Variants in DDX4 observed in about 807,000 individuals in gnomAD.
The protein encoded by DDX4 is DEAD-box helicase 4.
A neutral mutation model predicts 100.0 loss-of-function variants in DDX4; 25 were observed. The ratio of observed to expected loss-of-function variants is 0.25; its 90% CI spans 0.18 to 0.35. DDX4 has a LOEUF of 0.35. Ranked by LOEUF, DDX4 falls within the 10% of genes least tolerant of loss-of-function variation. The pLI is 1.00. For synonymous variants in DDX4, 259 were observed against 275.7 expected (o/e 0.94, Z 0.60); for missense variants, 635 against 882.4 (o/e 0.72, Z 3.55).
In DDX4 at chr5:55,799,489, C is replaced by T. The variant is rs1186070270; in HGVS notation, c.1615+918C>T. On this transcript the variant is annotated intron_variant, in intron 18 of 21. Transcript: ENST00000505374. The stretch of plus-strand genomic sequence containing the variant: ...CTCCCAGGCTCAAGCAGTTCTTCCA[C>T]GTCAGTCCCCTGAGTAGCCGGGACT... Among the ~76,000 whole-genome samples the T allele has an allele frequency of 4.6e-5, 7 of 152,290 alleles. No individual in the cohort carries two copies. The East Asian group carries it at 9.6e-4, about 21-fold the overall frequency.
At chr5:55,755,211 G>A (rs1259231702) in intron 3 of DDX4, among the ~76,000 whole-genome samples, 3 of 152,264 alleles carry the variant, frequency 2.0e-5, no homozygotes, top group African/African-American at 7.2e-5. Flanking sequence ...TTGACGAGTA[G>A]TAGAAATAAC....
intron 5 of DDX4, 57 bp downstream of exon 5, chr5:55,763,309 G>T: frequency 2.8e-6 from 3 of 1,083,184 alleles, no homozygotes. Flanking sequence ...TTTAATAATT[G>T]AGTTTAAATA....
At chr5:55,813,837 G>A in intron 19 of DDX4, 65 bp downstream of exon 19, 1 of 1,439,754 alleles carries the variant, frequency 6.9e-7, no homozygotes, top group Non-Finnish European at 9.1e-7. Context: ...AGAAACATCA[G>A]TTTATATAAC....
At chr5:55,763,096 A>G (rs1740667143) in intron 4 of DDX4, 79 bp from the exon 5 acceptor site, 2 of 956,360 alleles carry the variant, frequency 2.1e-6, no homozygotes, top group South Asian at 1.5e-5. Flanking sequence ...TACGCCAGAA[A>G]TTCATTTAAT....
rs2111837507 is a variant in DDX4 at position 55,765,441 on chromosome 5, T to C, written c.334+1377T>C. 1.4e-5 allele frequency among the ~76,000 whole-genome samples: 2 copies of C among 143,194 alleles called. 1 individual carries two copies. The highest frequency in any genetic ancestry group is 4.4e-4 in the South Asian group (2 of 4,518). The allele number at this position is 143,194 out of a possible 152,430, so 93.9% of individuals were successfully genotyped here. ...ATATATATATATATATATATATGGA[T>C]TGAATTCATTCATTGTCTCAGTTGT... is the stretch of plus-strand genomic sequence containing the variant. On this transcript the variant is annotated intron_variant, in intron 6 of 21. Coordinates refer to ENST00000505374, the MANE Select transcript of DDX4 (RefSeq NM_024415.3).
At chr5:55,748,497 TAA>T (rs1275619752) in intron 3 of DDX4, among the ~76,000 whole-genome samples, 1 of 148,472 alleles carries the variant, frequency 6.7e-6, no homozygotes, top group African/African-American at 2.5e-5. Flanking sequence ...AACTAAAAGC[TAA>T]GTTTTTTTTT....
At position 55,767,920 on chromosome 5, in the gene DDX4, G is replaced by A. The variant is rs1263108586; in HGVS notation, c.374G>A (p.Arg125Lys). 1.2e-6 allele frequency: 2 copies of A among 1,614,016 alleles called. No individual in the cohort carries two copies. The highest frequency in any genetic ancestry group is 1.7e-6 in the Non-Finnish European group (2 of 1,179,942). ...TGCGAAGATAATCCAACACGGAACA[G>A]AGGGTTTTCCAAGAGAGGCGGTAAG... ...NDCEDNPTRN[R>K]GFSKRGGYRD... The change falls in exon 7 of 22, where the codon AGA becomes AAA. Residue 125 changes from arginine (R) to lysine (K), a missense_variant. Arg to Lys is a conservative substitution (Grantham distance 26, BLOSUM62 2). Around this residue, in one of 4 missense-constraint regions of DDX4, gnomAD observed 446 missense variants for 540.8 expected, o/e 0.82. Coordinates refer to ENST00000505374, the MANE Select transcript of DDX4 (RefSeq NM_024415.3).
At chr5:55,808,588 A>G (rs1743905350) in intron 18 of DDX4, among the ~76,000 whole-genome samples, 1 of 152,160 alleles carries the variant, frequency 6.6e-6, no homozygotes, top group Non-Finnish European at 1.5e-5. Context: ...TCCACTCCAG[A>G]CCTTGTTTGC....
chr5:55,783,176 C>T (rs1269172097), intron 10 of DDX4, among the ~76,000 whole-genome samples: 1 of 151,968 alleles, frequency 6.6e-6, no homozygotes, highest in Non-Finnish European at 1.5e-5. Flanking sequence ...GAAGCTTGCT[C>T]GATGTATTTG....
rs764411818 is a variant in DDX4 at position 55,763,183 on chromosome 5, G to A, written c.214G>A (p.Glu72Lys). Residue 72 changes from glutamate to lysine, a missense_variant, in exon 5 of 22, where the codon GAG becomes AAG. This residue lies in a region of DDX4 where 446 missense variants were observed against 540.8 expected (regional missense o/e 0.82). Coordinates refer to ENST00000505374, the MANE Select transcript of DDX4 (RefSeq NM_024415.3). ...TGTCCACCCTTTTTCAGATGCTGGT[G>A]AGTGTAATAAGCGAGATAATACATC... ...GRNFGNRDAG[E>K]CNKRDNTSTM... The A allele has an allele frequency of 9.9e-6, 16 of 1,609,760 alleles. No individual in the cohort carries two copies. Among genetic ancestry groups the A allele is most frequent in the Non-Finnish European group, 1.3e-5 (15 of 1,176,404 alleles).
chr5:55,816,569 T>G lies in DDX4; in HGVS notation c.*29T>G, dbSNP rs776593701. On this transcript the variant is annotated 3_prime_UTR_variant, in exon 22 of 22. Coordinates refer to ENST00000505374, the MANE Select transcript of DDX4 (RefSeq NM_024415.3). ...CAAAACATCCTTCAAGTCTGTGGTT[T>G]TGATGCAGAGAAGAAAATAGTTTTG... 1.9e-6 allele frequency: 3 copies of G among 1,603,564 alleles called. No individual in the cohort carries two copies. Among genetic ancestry groups the G allele is most frequent in the Admixed American group, 1.7e-5 (1 of 58,058 alleles).
intron 9 of DDX4, 52 bp downstream of exon 9, chr5:55,781,198 C>A: frequency 7.0e-7 from 1 of 1,421,464 alleles, no homozygotes. Context: ...ATGTTTTTAG[C>A]ACTAGGATTA....
intron 15 of DDX4, among the ~76,000 whole-genome samples, chr5:55,790,045 A>C (rs1311272710): frequency 6.6e-6 from 1 of 152,016 alleles, no homozygotes; most frequent in African/African-American, 2.4e-5. Flanking sequence ...AAGATCTCAG[A>C]AATCACCACT....
chr5:55,758,778 C>G (rs184037566), intron 3 of DDX4, among the ~76,000 whole-genome samples: 1 of 148,432 alleles, frequency 6.7e-6, no homozygotes, highest in African/African-American at 2.5e-5. Context: ...TATTAGTCCT[C>G]TAGTAGTTGG....
intron 18 of DDX4, among the ~76,000 whole-genome samples, chr5:55,800,234 C>T (rs942240731): frequency 2.0e-5 from 3 of 151,944 alleles, no homozygotes; most frequent in Non-Finnish European, 4.4e-5. Context: ...AATAACTTGT[C>T]CACCATAAAT....
At chr5:55,804,355 T>C (rs1310791016) in intron 18 of DDX4, among the ~76,000 whole-genome samples, 1 of 151,300 alleles carries the variant, frequency 6.6e-6, no homozygotes, top group African/African-American at 2.4e-5. Flanking sequence ...TTTTGGCTTT[T>C]GTTGCCATTG....
rs143601033 is a variant in DDX4, at chr5:55,815,047, T to C, written c.1862T>C (p.Ile621Thr). Residue 621 changes from isoleucine (I) to threonine (T), a missense_variant, in exon 20 of 22, where the codon ATT becomes ACT. Coordinates refer to ENST00000505374, the MANE Select transcript of DDX4 (RefSeq NM_024415.3). The stretch of plus-strand genomic sequence containing the variant: ...ATCAATTTTGATCTTCCTTCTACCA[T>C]TGATGAATATGTTCATCGAATTGGG... Reference protein sequence around the residue: ...HVINFDLPSTIDEYVHRIGRT... With the variant: ...HVINFDLPSTTDEYVHRIGRT... 4.3e-6 allele frequency: 7 copies of C among 1,614,106 alleles called. No individual in the cohort carries two copies. Among genetic ancestry groups the C allele is most frequent in the Middle Eastern group, 1.6e-4 (1 of 6,084 alleles).
intron 6 of DDX4, 71 bp from the exon 7 acceptor site, chr5:55,767,810 A>G: frequency 9.6e-7 from 1 of 1,040,358 alleles, no homozygotes; most frequent in Non-Finnish European, 1.4e-6. Context: ...ATCTTGTGAC[A>G]GTGCTATTCT....
intron 15 of DDX4, among the ~76,000 whole-genome samples, chr5:55,789,730 T>G (rs916990410): frequency 6.6e-6 from 1 of 152,188 alleles, no homozygotes; most frequent in African/African-American, 2.4e-5. Flanking sequence ...GAGCATTAAA[T>G]GAAACACGGG....
Sources: allele counts gnomAD v4.1 joint callset (sites outside exome capture counted in the v4.1 genomes callset), GRCh38; gene constraint gnomAD v4.1.1; regional missense constraint gnomAD v4.1.1; transcripts MANE v1.5; gene names NCBI Gene and HGNC (gene_info 2026-07-23, HGNC 2026-07-21).